PTPRJ: variants seen among roughly 807,000 people sequenced by gnomAD.
The protein encoded by PTPRJ is protein tyrosine phosphatase receptor type J, also known as receptor-type tyrosine-protein phosphatase eta.
Under a neutral mutation model 141.3 loss-of-function variants are expected in PTPRJ, and 129 were observed. That is an observed-to-expected ratio of 0.91 (90% confidence interval 0.79 to 1.06). The LOEUF (loss-of-function observed/expected upper bound fraction) is 1.06, where lower values mean the gene tolerates loss of function less well. Among genes scored for constraint, PTPRJ ranks in the 50% least tolerant of loss-of-function variants. The probability of loss-of-function intolerance (pLI) is 0.00; values close to 1 mark genes in which losing one functional copy is unlikely to be tolerated. For missense variants in PTPRJ, 1,601 were observed against 1,679.7 expected (o/e 0.95, Z 0.82); for synonymous variants, 610 against 640.5 (o/e 0.95, Z 0.72).
chr11:48,097,738 G>A (rs938123578), intron 1 of PTPRJ, among the ~76,000 whole-genome samples: 9 of 151,998 alleles, frequency 5.9e-5, no homozygotes, highest in African/African-American at 1.7e-4. Flanking sequence ...GGGTTTCACC[G>A]TGTTGCCCCA....
intron 1 of PTPRJ, among the ~76,000 whole-genome samples, chr11:48,028,360 G>A (rs1317544440): frequency 6.6e-6 from 1 of 152,192 alleles, no homozygotes; most frequent in Non-Finnish European, 1.5e-5. Context: ...GGAAATCTTG[G>A]CATTTCATGG....
chr11:48,110,761 T>C (rs1856417148), intron 2 of PTPRJ, among the ~76,000 whole-genome samples: 1 of 152,204 alleles, frequency 6.6e-6, no homozygotes, highest in Non-Finnish European at 1.5e-5. Context: ...TGGAAGATCG[T>C]CATAACCTTT....
At position 48,146,874 on chromosome 11, in the gene PTPRJ, A is replaced by G; in HGVS notation, c.2912-2A>G. ...AGTGTCTCCCATTTGGACTTTTCTC[A>G]GGTGTCATCTGTGGAGCGGTTTTTG... is the stretch of plus-strand genomic sequence containing the variant. On this transcript the variant is annotated splice_acceptor_variant, in intron 14 of 24. Transcript: ENST00000418331. LOFTEE classifies it high-confidence loss of function. 1 of 1,613,640 alleles carries G rather than the reference A, an allele frequency of 6.2e-7. No individual in the cohort carries two copies. Among genetic ancestry groups the G allele is most frequent in the Non-Finnish European group, 8.5e-7 (1 of 1,179,652 alleles).
rs1857696203 is a variant in PTPRJ, at chr11:48,159,125, GT to G, written c.3439-804del. ...GTGTGTGTGTGTGTGTATGTGGGGT[GT>G]GTGTGTGTGTGTGTGTGTGTGTGTG... On this transcript the variant is annotated intron_variant, in intron 21 of 24. Transcript: ENST00000418331. 8.0e-5 allele frequency among the ~76,000 whole-genome samples: 11 copies of G among 136,740 alleles called. No homozygotes were observed. In the South Asian group the frequency reaches 9.4e-4, roughly 12 times the overall value. The allele number at this position is 136,740 out of a possible 152,430, so 89.7% of individuals were successfully genotyped here. A position where few individuals can be genotyped will look rare whatever the true frequency, so the allele number is the denominator to read the frequency against.
At chr11:47,997,387 G>T (rs745765087) in intron 1 of PTPRJ, among the ~76,000 whole-genome samples, 2 of 152,188 alleles carry the variant, frequency 1.3e-5, no homozygotes, top group African/African-American at 4.8e-5. Flanking sequence ...CTTCCTCCCC[G>T]TGAGACCGTA....
intron 1 of PTPRJ, among the ~76,000 whole-genome samples, chr11:48,092,549 C>T (rs1238784363): frequency 6.6e-6 from 1 of 151,858 alleles, no homozygotes; most frequent in Admixed American, 6.6e-5. Flanking sequence ...CTTGCTTCAG[C>T]CTCCCAAGGA....
chr11:48,067,730 ACAGATTG>A (rs1855123063), intron 1 of PTPRJ, among the ~76,000 whole-genome samples: 1 of 152,188 alleles, frequency 6.6e-6, no homozygotes, highest in Non-Finnish European at 1.5e-5. Context: ...TTCATGTTTT[ACAGATTG>A]GTCCAACAAG....
intron 1 of PTPRJ, among the ~76,000 whole-genome samples, chr11:48,016,169 C>T (rs945163398): frequency 6.6e-6 from 1 of 152,148 alleles, no homozygotes; most frequent in African/African-American, 2.4e-5. Context: ...ACTGTGGATT[C>T]CTTCTTGGTG....
chr11:47,980,824 G>C lies in PTPRJ; in HGVS notation c.-89G>C. 1 of 1,053,168 alleles carries C rather than the reference G, an allele frequency of 9.5e-7. No homozygotes were observed. The highest frequency in any genetic ancestry group is 1.7e-5 in the African/African-American group (1 of 58,730). 65.2% of individuals were successfully genotyped at this position (1,053,168 alleles called of 1,614,324 possible). On this transcript the variant is annotated 5_prime_UTR_variant, in exon 1 of 25. Coordinates refer to ENST00000418331, the MANE Select transcript of PTPRJ (RefSeq NM_002843.4). ...TGGCGGAGGAGGAGGCGAAGGAGAC[G>C]GCAGGAGGCGGCGACGACGGTGCCC...
chr11:47,980,614 AC>A lies in PTPRJ; in HGVS notation c.-297del. On this transcript the variant is annotated 5_prime_UTR_variant, in exon 1 of 25. An upstream open reading frame in the 5' UTR gains an earlier in-frame stop. Transcript: ENST00000418331. ...AGCGGGAGCAGCCGCGGGAGCCGGG[AC>A]CGGGTAGCCGCGCGCTGGGGGTGGG... 2 of 983,262 alleles carry A rather than the reference AC, an allele frequency of 2.0e-6. No homozygotes were observed. The highest frequency in any genetic ancestry group is 2.4e-6 in the Non-Finnish European group (2 of 829,534). 60.9% of individuals were successfully genotyped at this position (983,262 alleles called of 1,614,324 possible). A position where few individuals can be genotyped will look rare whatever the true frequency, so the allele number is the denominator to read the frequency against.
intron 1 of PTPRJ, among the ~76,000 whole-genome samples, chr11:48,022,364 T>G (rs1171179769): frequency 6.6e-6 from 1 of 151,426 alleles, no homozygotes; most frequent in East Asian, 1.9e-4. Flanking sequence ...CTCAGGAGGC[T>G]GAGGCAGGAG....
chr11:48,058,207 C>A (rs1013865813), intron 1 of PTPRJ, among the ~76,000 whole-genome samples: 10 of 151,962 alleles, frequency 6.6e-5, no homozygotes, highest in African/African-American at 2.4e-4. Context: ...CTACCACACC[C>A]AGCCTTTTTT....
intron 1 of PTPRJ, among the ~76,000 whole-genome samples, chr11:48,102,511 C>T (rs956585677): frequency 3.9e-5 from 6 of 151,908 alleles, no homozygotes; most frequent in Non-Finnish European, 5.9e-5. Context: ...CAGGTTCAAG[C>T]GATTCTCCTG....
chr11:48,029,441 C>T (rs1483488865), intron 1 of PTPRJ, among the ~76,000 whole-genome samples: 1 of 152,196 alleles, frequency 6.6e-6, no homozygotes, highest in Non-Finnish European at 1.5e-5. Flanking sequence ...CTTCCCCTCC[C>T]AATTCCTTTA....
chr11:48,081,122 G>T (rs1414014751), intron 1 of PTPRJ, among the ~76,000 whole-genome samples: 1 of 152,244 alleles, frequency 6.6e-6, no homozygotes, highest in Non-Finnish European at 1.5e-5. Flanking sequence ...TCTGATGCGG[G>T]TGGTCTGCAA....
rs1463774645 is a variant in PTPRJ at position 48,053,197 on chromosome 11, ATAAATATATTATATATAATATAT to A, written c.97-56836_97-56814del. Among the ~76,000 whole-genome samples the A allele has an allele frequency of 3.4e-3, 337 of 98,558 alleles. 1 individual carries two copies. The highest frequency in any genetic ancestry group is 0.013 in the African/African-American group (295 of 22,582). The allele number at this position is 98,558 out of a possible 152,430, so 64.7% of individuals were successfully genotyped here. On this transcript the variant is annotated intron_variant, in intron 1 of 24. Coordinates refer to ENST00000418331, the MANE Select transcript of PTPRJ (RefSeq NM_002843.4). ...AATATATAAATATATATAAAAATATATAAATATATTATATATAATATATTAAATATATTATATATAATATATTT... is the reference window on the plus strand; with the variant it reads ...AATATATAAATATATATAAAAATATATAAATATATTATATATAATATATTT...
At chr11:48,014,791 C>T (rs985993400) in intron 1 of PTPRJ, 1 of 152,246 alleles carries the variant, frequency 6.6e-6, no homozygotes, top group Non-Finnish European at 1.5e-5. Flanking sequence ...CCTCCAGCCT[C>T]CACCAGGTTC....
At chr11:48,053,977 G>A (rs1417724029) in intron 1 of PTPRJ, among the ~76,000 whole-genome samples, 1 of 137,884 alleles carries the variant, frequency 7.3e-6, no homozygotes, top group Non-Finnish European at 1.5e-5. Flanking sequence ...TTGTCGCCCA[G>A]TCTGGAGTGC....
At position 47,980,927 on chromosome 11, in the gene PTPRJ, G is replaced by A; in HGVS notation, c.15G>A (p.Ala5=). The A allele has an allele frequency of 8.5e-7, 1 of 1,181,072 alleles. No individual in the cohort carries two copies. Among genetic ancestry groups the A allele is most frequent in the East Asian group, 3.7e-5 (1 of 27,048 alleles). The allele number at this position is 1,181,072 out of a possible 1,614,324, so 73.2% of individuals were successfully genotyped here. A position where few individuals can be genotyped will look rare whatever the true frequency, so the allele number is the denominator to read the frequency against. The change falls in exon 1 of 25, where the codon GCG becomes GCA. Residue 5 remains alanine (A), a synonymous_variant. Transcript: ENST00000418331. ...GCGCGCGGGGCATGAAGCCGGCGGC[G>A]CGGGAGGCGCGGCTGCCTCCGCGCT... is the stretch of plus-strand genomic sequence containing the variant. MKPA[A]REARLPPRSP...
Sources: allele counts gnomAD v4.1 joint callset (sites outside exome capture counted in the v4.1 genomes callset), GRCh38; gene constraint gnomAD v4.1.1; transcripts MANE v1.5; gene names NCBI Gene and HGNC (gene_info 2026-07-23, HGNC 2026-07-21).